Variants in ALG1L2 observed in about 807,000 individuals in gnomAD.
The protein encoded by ALG1L2 is putative glycosyltransferase ALG1L2.
A neutral mutation model predicts 29.0 loss-of-function variants in ALG1L2; 32 were observed. That is an observed-to-expected ratio of 1.10 (90% CI 0.83 to 1.48). The LOEUF is 1.48. ALG1L2 is among the 40% of genes most tolerant of loss of function. The probability of loss-of-function intolerance (pLI) is 0.00; values close to 1 mark genes in which losing one functional copy is unlikely to be tolerated. For missense variants in ALG1L2, 318 were observed against 274.1 expected (o/e 1.16, Z -1.13); for synonymous variants, 110 against 109.5 (o/e 1.00, Z -0.03).
Position 130,082,201 on chromosome 3 carries a change from G to T in ALG1L2, c.20+165G>T, listed in dbSNP as rs189578018. On this transcript the variant is annotated intron_variant, in intron 1 of 7. Transcript: ENST00000425059. ...AGACCACAGCAGTGGGGAAGAGTGT[G>T]AGAGGGATGGAAATTGAGATGAATT... 4.0e-5 allele frequency among the ~76,000 whole-genome samples: 6 copies of T among 148,934 alleles called. No individual in the cohort carries two copies. The East Asian group carries it at 1.2e-3, about 29-fold the overall frequency.
chr3:130,082,736 C>T (rs1031112056), intron 1 of ALG1L2, among the ~76,000 whole-genome samples: 6 of 148,872 alleles, frequency 4.0e-5, no homozygotes, highest in African/African-American at 9.7e-5. Flanking sequence ...CCCTTGCCAC[C>T]GCACTCCCCA....
At position 130,093,301 on chromosome 3, in the gene ALG1L2, G is replaced by A. The variant is rs558949272; in HGVS notation, c.313+141G>A. 297 of 969,474 alleles carry A rather than the reference G, an allele frequency of 3.1e-4. 7 individuals are homozygous for A. In the South Asian group the frequency reaches 5.8e-3, roughly 19 times the overall value. 60.1% of individuals were successfully genotyped at this position (969,474 alleles called of 1,614,324 possible). On this transcript the variant is annotated intron_variant, in intron 4 of 7. Transcript: ENST00000425059. ...TCTGCCATAGGGTCTTACACTGCTTGACATGCGGGAAACTGAGGCTCAGAG... is the reference window on the plus strand; with the variant it reads ...TCTGCCATAGGGTCTTACACTGCTTAACATGCGGGAAACTGAGGCTCAGAG...
Position 130,092,318 on chromosome 3 carries a change from C to T in ALG1L2, c.253+96C>T. 2.5e-6 allele frequency: 4 copies of T among 1,591,226 alleles called. No individual in the cohort carries two copies. In the Admixed American group the frequency reaches 7.1e-5, roughly 28 times the overall value. Reference sequence around the variant, plus strand: ...CTGCCAGTCCTGCATGCCCCAACCCCACCACGGTCTCAGTGAGAAGGGGAG... The same window carrying T: ...CTGCCAGTCCTGCATGCCCCAACCCTACCACGGTCTCAGTGAGAAGGGGAG... On this transcript the variant is annotated intron_variant, in intron 3 of 7. Transcript: ENST00000425059.
chr3:130,096,544 T>G (rs1448917913), intron 6 of ALG1L2, among the ~76,000 whole-genome samples: 1 of 152,162 alleles, frequency 6.6e-6, no homozygotes, highest in African/African-American at 2.4e-5. Context: ...GTTTTCTTTG[T>G]TTCTTTCTCT....
At chr3:130,082,839 A>G (rs550533575) in intron 1 of ALG1L2, among the ~76,000 whole-genome samples, 143 of 146,364 alleles carry the variant, frequency 9.8e-4, no homozygotes, top group African/African-American at 3.4e-3. Flanking sequence ...AGGGAAGCCT[A>G]CTATGTCCAC....
chr3:130,092,315 C>A (rs1159292938), intron 3 of ALG1L2, 93 bp downstream of exon 3: 1 of 1,589,994 alleles, frequency 6.3e-7, no homozygotes, highest in East Asian at 2.3e-5. Context: ...CATGCCCCAA[C>A]CCCACCACGG....
chr3:130,083,373 G>C (rs1287743022), intron 1 of ALG1L2, among the ~76,000 whole-genome samples: 1 of 129,204 alleles, frequency 7.7e-6, no homozygotes, highest in Non-Finnish European at 1.8e-5. Context: ...GAACCCGGGA[G>C]GCAGAGGTTG....
At chr3:130,098,116 A>C in intron 7 of ALG1L2, 107 bp from the exon 8 acceptor site, 1 of 1,447,662 alleles carries the variant, frequency 6.9e-7, no homozygotes, top group Non-Finnish European at 9.4e-7. Context: ...CAAGTGAGGG[A>C]GCTAGGGACT....
intron 5 of ALG1L2, among the ~76,000 whole-genome samples, chr3:130,095,254 C>T (rs1935104947): frequency 6.6e-6 from 1 of 152,018 alleles, no homozygotes; most frequent in Non-Finnish European, 1.5e-5. Context: ...TGGTCTTGAA[C>T]TCCTGACCTC....
At chr3:130,082,439 G>A (rs1409674465) in intron 1 of ALG1L2, among the ~76,000 whole-genome samples, 1 of 133,142 alleles carries the variant, frequency 7.5e-6, no homozygotes, top group Non-Finnish European at 1.7e-5. Context: ...CCAGACTCAA[G>A]TGATTCTCCT....
intron 4 of ALG1L2, 41 bp from the exon 5 acceptor site, chr3:130,094,362 C>T (rs149787173): frequency 1.3e-6 from 2 of 1,579,802 alleles, no homozygotes; most frequent in Non-Finnish European, 1.7e-6. Context: ...GTGGCAGGGA[C>T]AGAGACGGGT....
At chr3:130,098,174 G>C (rs757105348) in intron 7 of ALG1L2, 49 bp from the exon 8 acceptor site, 2 of 1,595,224 alleles carry the variant, frequency 1.3e-6, no homozygotes, top group African/African-American at 2.7e-5. Flanking sequence ...TCCAGGTGGT[G>C]ACCTGGGATG....
chr3:130,083,117 G>T (rs1209188841), intron 1 of ALG1L2, among the ~76,000 whole-genome samples: 2 of 132,000 alleles, frequency 1.5e-5, no homozygotes, highest in African/African-American at 5.1e-5. Flanking sequence ...GTAGAGAGTG[G>T]TGGTAGATTG....
intron 1 of ALG1L2, among the ~76,000 whole-genome samples, chr3:130,088,287 C>T (rs1023928809): frequency 2.2e-4 from 34 of 152,310 alleles, no homozygotes; most frequent in Non-Finnish European, 4.4e-5. Flanking sequence ...TGTGTCCCCA[C>T]CCAAATCTCT....
intron 4 of ALG1L2, 75 bp from the exon 5 acceptor site, chr3:130,094,328 G>A: frequency 1.3e-6 from 2 of 1,528,036 alleles, no homozygotes; most frequent in African/African-American, 1.4e-5. Flanking sequence ...CTCCTAGGGG[G>A]GAGTGTCTTG....
intron 3 of ALG1L2, 68 bp from the exon 4 acceptor site, chr3:130,093,029 GAAAA>G (rs71158104): frequency 0.082 from 81,771 of 998,410 alleles, 11 homozygotes; most frequent in Middle Eastern, 0.11. Context: ...GAGTCTGTCA[GAAAA>G]AAAAAAAAAA....
rs190521934 is a variant in ALG1L2 at position 130,096,220 on chromosome 3, G to A, written c.539+57G>A. ...TAGCTTCACAGATCCACCGCTGAGG[G>A]GGAAGCAGTGCAGAGTGAGCTGCCC... On this transcript the variant is annotated intron_variant, in intron 6 of 7. Coordinates refer to ENST00000425059, the MANE Select transcript of ALG1L2 (RefSeq NM_001136152.1). 3,068 of 1,581,750 alleles carry A rather than the reference G, an allele frequency of 1.9e-3. 6 individuals carry two copies. The highest frequency in any genetic ancestry group is 3.0e-3 in the East Asian group (132 of 44,028).
rs929166614 is a variant in ALG1L2 at position 130,090,084 on chromosome 3, G to T, written c.21-1177G>T. On this transcript the variant is annotated intron_variant, in intron 1 of 7. Transcript: ENST00000425059. ...AAAAATAAAACTGAGGGCCTGGCAC[G>T]GTGGCTCATGCCTGTAATCTCAGCA... Among the ~76,000 whole-genome samples the T allele has an allele frequency of 3.4e-5, 5 of 149,010 alleles. No homozygotes were observed. The East Asian group carries it at 1.0e-3, about 30-fold the overall frequency.
intron 3 of ALG1L2, 114 bp downstream of exon 3, chr3:130,092,336 A>G: frequency 6.3e-7 from 1 of 1,597,080 alleles, no homozygotes; most frequent in Non-Finnish European, 8.5e-7. Context: ...TCTCAGTGAG[A>G]AGGGGAGGGC....
Sources: gnomAD v4.1 joint callset for allele counts (sites outside exome capture counted in the v4.1 genomes callset) on GRCh38, gnomAD v4.1.1 for gene constraint, MANE v1.5 for transcripts, NCBI Gene and HGNC (gene_info 2026-07-23, HGNC 2026-07-21) for gene names.